The following AK5 variants were observed in gnomAD, a reference collection of about 807,000 sequenced individuals.
AK5 encodes adenylate kinase isoenzyme 5.
Under a neutral mutation model 69.5 loss-of-function variants are expected in AK5, and 27 were observed. The observed-to-expected ratio is 0.39, with a 90% CI of 0.29 to 0.54. AK5 has a LOEUF of 0.54. Among genes scored for constraint, AK5 ranks in the 20% least tolerant of loss-of-function variants. The pLI is 0.71. For synonymous variants in AK5, 260 were observed against 244.4 expected (o/e 1.06, Z -0.60); for missense variants, 531 against 700.4 (o/e 0.76, Z 2.73).
intron 8 of AK5, among the ~76,000 whole-genome samples, chr1:77,470,859 ATATATATATATATATATT>A (rs1380632122): frequency 0.039 from 68 of 1,722 alleles, 2 homozygotes; most frequent in Admixed American, 0.1. Flanking sequence ...ATATATATAT[ATATATATATATATATATT>A]TTTTTTTTTT....
At position 77,499,729 on chromosome 1, in the gene AK5, C is replaced by T. The variant is rs992331370; in HGVS notation, c.1147+13377C>T. On this transcript the variant is annotated intron_variant, in intron 10 of 13. Coordinates refer to ENST00000354567, the MANE Select transcript of AK5 (RefSeq NM_174858.3). ...AATGTTCAGCAGTGAGAAACCTGGCCGAGGCCAGCCATCAGACTCCTAGAG... is the reference window on the plus strand; with the variant it reads ...AATGTTCAGCAGTGAGAAACCTGGCTGAGGCCAGCCATCAGACTCCTAGAG... 3.3e-5 allele frequency among the ~76,000 whole-genome samples: 5 copies of T among 151,952 alleles called. No homozygotes were observed. In the South Asian group the frequency reaches 6.2e-4, roughly 19 times the overall value.
chr1:77,462,257 G>A (rs1412704906), intron 8 of AK5, among the ~76,000 whole-genome samples: 1 of 152,176 alleles, frequency 6.6e-6, no homozygotes, highest in Non-Finnish European at 1.5e-5. Context: ...GATCCAGCGA[G>A]GCTGGACCTG....
intron 5 of AK5, among the ~76,000 whole-genome samples, chr1:77,327,954 G>A (rs1022417479): frequency 6.6e-6 from 1 of 152,132 alleles, no homozygotes; most frequent in East Asian, 1.9e-4. Context: ...TTACTCCCAT[G>A]TATATGAAAC....
chr1:77,367,555 T>TACA (rs1553139660), intron 6 of AK5, among the ~76,000 whole-genome samples: 1 of 59,298 alleles, frequency 1.7e-5, no homozygotes, highest in Non-Finnish European at 2.8e-5. Context: ...TTTATGTTAT[T>TACA]TTTATATATA....
chr1:77,542,306 A>G (rs1026145044), intron 13 of AK5, among the ~76,000 whole-genome samples: 1 of 152,184 alleles, frequency 6.6e-6, no homozygotes, highest in Non-Finnish European at 1.5e-5. Flanking sequence ...CTGGATGACA[A>G]AACGAGACTC....
intron 8 of AK5, among the ~76,000 whole-genome samples, chr1:77,467,579 T>G (rs1020811970): frequency 1.3e-5 from 2 of 152,200 alleles, no homozygotes; most frequent in Non-Finnish European, 2.9e-5. Flanking sequence ...ATTTTTTTTC[T>G]AAAATATATA....
chr1:77,399,959 T>G (rs1377957959), intron 6 of AK5, among the ~76,000 whole-genome samples: 1 of 152,200 alleles, frequency 6.6e-6, no homozygotes, highest in Non-Finnish European at 1.5e-5. Flanking sequence ...CCTCTTGCAG[T>G]CAACTTTGCC....
intron 7 of AK5, among the ~76,000 whole-genome samples, chr1:77,415,000 A>G (rs1650316721): frequency 6.6e-6 from 1 of 152,128 alleles, no homozygotes; most frequent in South Asian, 2.1e-4. Flanking sequence ...TGATATATTA[A>G]TCCTGTTGCC....
At chr1:77,436,626 T>C (rs115777158) in intron 8 of AK5, among the ~76,000 whole-genome samples, 2,933 of 151,950 alleles carry the variant, frequency 0.019, 101 homozygotes, top group African/African-American at 0.067. Context: ...TATCTGTTAC[T>C]TAATTTAACA....
intron 5 of AK5, among the ~76,000 whole-genome samples, chr1:77,308,416 G>A (rs926169923): frequency 1.4e-5 from 2 of 146,054 alleles, no homozygotes; most frequent in African/African-American, 5.1e-5. Context: ...TCCAGCCTGG[G>A]CGACAGCGAG....
chr1:77,504,328 T>C (rs1656904976), intron 10 of AK5, among the ~76,000 whole-genome samples: 1 of 152,176 alleles, frequency 6.6e-6, no homozygotes, highest in Non-Finnish European at 1.5e-5. Context: ...ACATCTTCAT[T>C]CTAGAAAACG....
intron 12 of AK5, among the ~76,000 whole-genome samples, chr1:77,527,178 C>T (rs971888258): frequency 1.3e-5 from 2 of 152,146 alleles, no homozygotes; most frequent in African/African-American, 4.8e-5. Context: ...TAAATGTCTT[C>T]TAAGCTATAA....
chr1:77,423,764 G>A (rs1651008243), intron 8 of AK5, among the ~76,000 whole-genome samples: 1 of 152,064 alleles, frequency 6.6e-6, no homozygotes, highest in Non-Finnish European at 1.5e-5. Context: ...ACCTCCAGGA[G>A]CTTTGCCAGG....
chr1:77,368,333 T>C (rs973137004), intron 6 of AK5, among the ~76,000 whole-genome samples: 2 of 132,920 alleles, frequency 1.5e-5, no homozygotes, highest in Non-Finnish European at 3.1e-5. Context: ...ATATATGTTA[T>C]ATATGTTATA....
chr1:77,470,848 TATA>T lies in AK5; in HGVS notation c.1060-12468_1060-12466del, dbSNP rs1654428751. Among the ~76,000 whole-genome samples, 3 of 12,844 alleles carry T rather than the reference TATA, an allele frequency of 2.3e-4. 1 individual carries two copies. Among genetic ancestry groups the T allele is most frequent in the Non-Finnish European group, 3.4e-4 (2 of 5,892 alleles). The allele number at this position is 12,844 out of a possible 152,430, so 8.4% of individuals were successfully genotyped here. ...TAGAATATATATATATATATATATA[TATA>T]TATATATATATATATATATATATAT... On this transcript the variant is annotated intron_variant, in intron 8 of 13. Coordinates refer to ENST00000354567, the MANE Select transcript of AK5 (RefSeq NM_174858.3).
chr1:77,324,484 C>T (rs751464096), intron 5 of AK5, among the ~76,000 whole-genome samples: 5 of 152,156 alleles, frequency 3.3e-5, no homozygotes, highest in Non-Finnish European at 7.3e-5. Context: ...ATTGCAACGA[C>T]TGCCTAACCC....
intron 8 of AK5, among the ~76,000 whole-genome samples, chr1:77,475,167 GTATA>G (rs35137146): frequency 5.2e-4 from 47 of 89,896 alleles, no homozygotes; most frequent in African/African-American, 1.1e-3. Flanking sequence ...GTGTGTGCAT[GTATA>G]TATATATATA....
intron 9 of AK5, 85 bp from the exon 10 acceptor site, chr1:77,486,223 G>GT: frequency 1.1e-6 from 1 of 873,276 alleles, no homozygotes; most frequent in East Asian, 2.7e-5. Flanking sequence ...AAACTACAAG[G>GT]TTTGGGTTTT....
At chr1:77,478,403 G>T (rs999740112) in intron 8 of AK5, among the ~76,000 whole-genome samples, 1 of 152,110 alleles carries the variant, frequency 6.6e-6, no homozygotes, top group African/African-American at 2.4e-5. Flanking sequence ...TAGTGAATGG[G>T]TCTCAGGAGA....
Sources: allele counts gnomAD v4.1 joint callset (sites outside exome capture counted in the v4.1 genomes callset), GRCh38; gene constraint gnomAD v4.1.1; transcripts MANE v1.5; gene names NCBI Gene and HGNC (gene_info 2026-07-23, HGNC 2026-07-21).